KIRREL3: variants seen among roughly 807,000 people sequenced by gnomAD.
The protein encoded by KIRREL3 is kirre like nephrin family adhesion molecule 3, also known as kin of IRRE-like protein 3.
In KIRREL3, 36 loss-of-function variants were observed where a neutral mutation model predicts 89.7. The ratio of observed to expected loss-of-function variants is 0.40; its 90% CI spans 0.31 to 0.53. KIRREL3 has a LOEUF of 0.53. KIRREL3 is among the 20% of genes least tolerant of loss of function. The pLI is 0.49. For missense variants in KIRREL3, 864 were observed against 1,056.6 expected (o/e 0.82, Z 2.53); for synonymous variants, 445 against 441.4 (o/e 1.01, Z -0.10).
At chr11:126,922,213 G>A (rs1249512775) in intron 1 of KIRREL3, among the ~76,000 whole-genome samples, 1 of 151,116 alleles carries the variant, frequency 6.6e-6, no homozygotes, top group African/African-American at 2.4e-5. Flanking sequence ...AGTGAGCCCT[G>A]GCTAACCCTA....
At chr11:126,932,359 C>T (rs551217745) in intron 1 of KIRREL3, among the ~76,000 whole-genome samples, 1 of 152,128 alleles carries the variant, frequency 6.6e-6, no homozygotes, top group Non-Finnish European at 1.5e-5. Context: ...GTTTTCGGCC[C>T]GCACAGAAAG....
intron 1 of KIRREL3, among the ~76,000 whole-genome samples, chr11:126,590,035 G>T (rs929595806): frequency 3.3e-5 from 5 of 152,162 alleles, no homozygotes; most frequent in Non-Finnish European, 5.9e-5. Flanking sequence ...CTCAACACCA[G>T]TATGGATACT....
chr11:126,671,625 T>C (rs1349094345), intron 1 of KIRREL3, among the ~76,000 whole-genome samples: 1 of 152,182 alleles, frequency 6.6e-6, no homozygotes, highest in Non-Finnish European at 1.5e-5. Context: ...GCAAGAGATC[T>C]GAACAGACAC....
Position 126,703,085 on chromosome 11 carries a change from G to A in KIRREL3, c.56-140173C>T, listed in dbSNP as rs1310005671. Among the ~76,000 whole-genome samples, 4 of 152,190 alleles carry A rather than the reference G, an allele frequency of 2.6e-5. No individual in the cohort carries two copies. Among genetic ancestry groups the A allele is most frequent in the Admixed American group, 6.5e-5 (1 of 15,282 alleles). ...ATGAGAAGGGTGAGTAGTAGATGGC[G>A]TATTCTCTGGGCTGTGAATCCTGGT... On this transcript the variant is annotated intron_variant, in intron 1 of 16. Coordinates refer to ENST00000525144, the MANE Select transcript of KIRREL3 (RefSeq NM_032531.4). The surrounding 1 kb of genome is among the most constrained non-coding windows in gnomAD (Gnocchi z 4.6).
rs1158368199 is a variant in KIRREL3, at chr11:126,965,647, G to C, written c.55+34808C>G. Among the ~76,000 whole-genome samples, 2 of 152,164 alleles carry C rather than the reference G, an allele frequency of 1.3e-5. No homozygotes were observed. The highest frequency in any genetic ancestry group is 6.5e-5 in the Admixed American group (1 of 15,280). On this transcript the variant is annotated intron_variant, in intron 1 of 16. Coordinates refer to ENST00000525144, the MANE Select transcript of KIRREL3 (RefSeq NM_032531.4). This position sits in a 1 kb window ranked among gnomAD's most constrained non-coding sequence, Gnocchi z 4.4. ...AAAATTTTGGTTCTTTGCTGATGGA[G>C]AGGTCAGAGCCATGGATAATCGAAA... is the stretch of plus-strand genomic sequence containing the variant.
At chr11:126,425,576 G>T in intron 16 of KIRREL3, 62 bp downstream of exon 16, 1 of 1,349,784 alleles carries the variant, frequency 7.4e-7, no homozygotes, top group South Asian at 1.2e-5. Flanking sequence ...TTTGGGGTTT[G>T]GGCCATCAGA....
intron 1 of KIRREL3, among the ~76,000 whole-genome samples, chr11:126,847,711 T>C (rs1385997429): frequency 6.6e-6 from 1 of 152,214 alleles, no homozygotes; most frequent in African/African-American, 2.4e-5. Context: ...TGCTTTGTTT[T>C]TCAGAGTTAA....
rs1023551049 is a variant in KIRREL3, at chr11:126,501,408, G to A, written c.433+19907C>T. ...CCTGGGGTGCAGTCTTAGAGACTAA[G>A]GAGGCTCCTCTGGGGAGCGAGGGTG... is the stretch of plus-strand genomic sequence containing the variant. On this transcript the variant is annotated intron_variant, in intron 4 of 16. Coordinates refer to ENST00000525144, the MANE Select transcript of KIRREL3 (RefSeq NM_032531.4). This position sits in a 1 kb window ranked among gnomAD's most constrained non-coding sequence, Gnocchi z 5.8. 1.8e-4 allele frequency among the ~76,000 whole-genome samples: 28 copies of A among 152,340 alleles called. No individual in the cohort carries two copies. The highest frequency in any genetic ancestry group is 3.4e-3 in the Middle Eastern group (1 of 294).
In KIRREL3 at chr11:126,627,423, T is replaced by C. The variant is rs1029401430; in HGVS notation, c.56-64511A>G. ...GCTTAGGCTGGCTTTTGGGTGGTCC[T>C]TGCTGGGACAACCAGTGGCGTCATC... On this transcript the variant is annotated intron_variant, in intron 1 of 16. Transcript: ENST00000525144. This position sits in a 1 kb window ranked among gnomAD's most constrained non-coding sequence, Gnocchi z 5.0. Among the ~76,000 whole-genome samples the C allele has an allele frequency of 1.4e-4, 21 of 152,272 alleles. No individual in the cohort carries two copies. The highest frequency in any genetic ancestry group is 5.1e-4 in the African/African-American group (21 of 41,572).
chr11:126,440,359 G>A lies in KIRREL3; in HGVS notation c.1353+90C>T, dbSNP rs368799561. On this transcript the variant is annotated intron_variant, in intron 11 of 16. Transcript: ENST00000525144. Reference sequence around the variant, plus strand: ...AGCAAGAAAGAGGAACCTCGGAGGTGTGCACCGCCTGGCTGGCCACCCAGG... The same window carrying A: ...AGCAAGAAAGAGGAACCTCGGAGGTATGCACCGCCTGGCTGGCCACCCAGG... 1.1e-5 allele frequency: 12 copies of A among 1,107,080 alleles called. 1 individual carries two copies. In the African/African-American group the frequency reaches 1.7e-4, roughly 16 times the overall value. The allele number at this position is 1,107,080 out of a possible 1,614,324, so 68.6% of individuals were successfully genotyped here.
At chr11:126,533,888 C>T (rs911325652) in intron 2 of KIRREL3, among the ~76,000 whole-genome samples, 4 of 152,212 alleles carry the variant, frequency 2.6e-5, no homozygotes, top group Middle Eastern at 3.2e-3. Context: ...GGGAAACCGA[C>T]CTTCTTCTCT....
At chr11:126,585,338 A>C (rs185969578) in intron 1 of KIRREL3, among the ~76,000 whole-genome samples, 79 of 138,080 alleles carry the variant, frequency 5.7e-4, no homozygotes, top group Middle Eastern at 5.6e-3. Flanking sequence ...GATTCAAGTG[A>C]TTCTTTTGCC....
chr11:126,619,639 C>A (rs377203673), intron 1 of KIRREL3, among the ~76,000 whole-genome samples: 1 of 152,174 alleles, frequency 6.6e-6, no homozygotes, highest in Non-Finnish European at 1.5e-5. Flanking sequence ...AGACTTTAGG[C>A]GGATTTGTAG....
At position 126,454,436 on chromosome 11, in the gene KIRREL3, A is replaced by G. The variant is rs547124889; in HGVS notation, c.848+1913T>C. Among the ~76,000 whole-genome samples, 18 of 152,232 alleles carry G rather than the reference A, an allele frequency of 1.2e-4. No homozygotes were observed. Among genetic ancestry groups the G allele is most frequent in the African/African-American group, 4.3e-4 (18 of 41,540 alleles). ...TGTGTCCTGGTCTCTGGGGCGCCCA[A>G]CAGGCATTCTAAGGGTGGCTGTGAG... On this transcript the variant is annotated intron_variant, in intron 7 of 16. Transcript: ENST00000525144. This position sits in a 1 kb window ranked among gnomAD's most constrained non-coding sequence, Gnocchi z 5.8.
rs933652831 is a variant in KIRREL3, at chr11:126,516,921, A to G, written c.433+4394T>C. 3.9e-5 allele frequency among the ~76,000 whole-genome samples: 6 copies of G among 152,150 alleles called. No homozygotes were observed. Among genetic ancestry groups the G allele is most frequent in the Non-Finnish European group, 8.8e-5 (6 of 68,032 alleles). ...CAGCCTGGGCAGCATGGCTAAAAAT[A>G]CAAAAATTAGCCAGGCGTGGTGGCA... is the stretch of plus-strand genomic sequence containing the variant. On this transcript the variant is annotated intron_variant, in intron 4 of 16. Transcript: ENST00000525144. This position sits in a 1 kb window ranked among gnomAD's most constrained non-coding sequence, Gnocchi z 4.9.
chr11:126,775,016 A>G (rs1427033222), intron 1 of KIRREL3, among the ~76,000 whole-genome samples: 1 of 152,164 alleles, frequency 6.6e-6, no homozygotes, highest in Non-Finnish European at 1.5e-5. Context: ...GTCTTAAGAA[A>G]ATAATAACAG....
At chr11:126,456,744 C>T (rs1258109851) in intron 6 of KIRREL3, among the ~76,000 whole-genome samples, 2 of 152,022 alleles carry the variant, frequency 1.3e-5, no homozygotes, top group African/African-American at 2.4e-5. Flanking sequence ...AACTTTTGGG[C>T]GGAACAAAAT....
At chr11:126,853,007 C>G (rs1297782559) in intron 1 of KIRREL3, among the ~76,000 whole-genome samples, 1 of 152,182 alleles carries the variant, frequency 6.6e-6, no homozygotes, top group African/African-American at 2.4e-5. Flanking sequence ...CCTAGAGTCA[C>G]TAAAAGCTCA....
chr11:126,656,401 GAAT>G lies in KIRREL3; in HGVS notation c.56-93492_56-93490del, dbSNP rs1487133960. 6.6e-6 allele frequency among the ~76,000 whole-genome samples: 1 copy of G among 152,170 alleles called. No homozygotes were observed. Among genetic ancestry groups the G allele is most frequent in the Non-Finnish European group, 1.5e-5 (1 of 68,024 alleles). On this transcript the variant is annotated intron_variant, in intron 1 of 16. Transcript: ENST00000525144. This position sits in a 1 kb window ranked among gnomAD's most constrained non-coding sequence, Gnocchi z 4.0. ...TTTTGTATGTTTTGGCAAGAAAATA[GAAT>G]AATATTATTATTGGAGTCTCTGGAA...
Sources: allele counts gnomAD v4.1 joint callset (sites outside exome capture counted in the v4.1 genomes callset), GRCh38; gene constraint gnomAD v4.1.1; non-coding constraint Gnocchi (gnomAD v3.1); transcripts MANE v1.5; gene names NCBI Gene and HGNC (gene_info 2026-07-23, HGNC 2026-07-21).